The following TENM3 variants were observed in gnomAD, a reference collection of about 807,000 sequenced individuals.
The protein encoded by TENM3 is teneurin-3.
Under a neutral mutation model 255.1 loss-of-function variants are expected in TENM3, and 63 were observed. That is an observed-to-expected ratio of 0.25 (90% CI 0.20 to 0.30). The LOEUF (loss-of-function observed/expected upper bound fraction) is 0.30, where lower values mean the gene tolerates loss of function less well. TENM3 is among the 10% of genes least tolerant of loss of function. The pLI, the probability that TENM3 is intolerant of heterozygous loss-of-function variation, is 1.00. For synonymous variants in TENM3, 1,306 were observed against 1,322.3 expected, an observed-to-expected ratio of 0.99 and a Z score of 0.27; for missense variants, 2,929 against 3,461.1, an observed-to-expected ratio of 0.85 and a Z score of 3.86.
Position 182,621,763 on chromosome 4 carries a change from TA to T in TENM3, c.750-6886del, listed in dbSNP as rs1750262173. 2.9e-4 allele frequency among the ~76,000 whole-genome samples: 21 copies of T among 72,446 alleles called. 2 individuals carry two copies. Among genetic ancestry groups the T allele is most frequent in the African/African-American group, 8.1e-4 (16 of 19,654 alleles). 47.5% of individuals were successfully genotyped at this position (72,446 alleles called of 152,430 possible). A position where few individuals can be genotyped will look rare whatever the true frequency, so the allele number is the denominator to read the frequency against. On this transcript the variant is annotated intron_variant, in intron 4 of 27. Transcript: ENST00000511685. ...ATATATAATATATTATAATATATAA[TA>T]ATTATATATTATATATAATTATATA... is the stretch of plus-strand genomic sequence containing the variant.
chr4:182,701,108 G>A (rs1371994781), intron 12 of TENM3, among the ~76,000 whole-genome samples: 3 of 149,192 alleles, frequency 2.0e-5, no homozygotes, highest in Non-Finnish European at 4.4e-5. Context: ...TTAAACATAA[G>A]CAATCTAATT....
At chr4:182,041,690 A>G in the TENM3 span, among the ~76,000 whole-genome samples, 1 of 151,978 alleles carries the variant, frequency 6.6e-6, no homozygotes, top group Non-Finnish European at 1.5e-5. Context: ...AGACACAGTG[A>G]TTTAGAATTT....
At chr4:182,688,990 A>T (rs1473678215) in intron 12 of TENM3, among the ~76,000 whole-genome samples, 1 of 152,214 alleles carries the variant, frequency 6.6e-6, no homozygotes, top group East Asian at 1.9e-4. Context: ...AGATCAAAAC[A>T]TTAGTATATA....
chr4:182,628,613 A>T (rs1012182710), intron 4 of TENM3, 38 bp from the exon 5 acceptor site: 1 of 1,325,532 alleles, frequency 7.5e-7, no homozygotes, highest in Non-Finnish European at 1.1e-6. Context: ...GTATCGTAAC[A>T]TATTTGTATC....
rs1290124287 is a variant in TENM3 at position 182,763,776 on chromosome 4, GAT to G, written c.4892+8518_4892+8519del. On this transcript the variant is annotated intron_variant, in intron 22 of 27. Transcript: ENST00000511685. ...CCTAGAGAAGTCAAAAAATATTCAG[GAT>G]GACTAAACCTCAAACCTTTAAACCC... 1.9e-3 allele frequency among the ~76,000 whole-genome samples: 295 copies of G among 152,276 alleles called. 3 individuals carry two copies. The highest frequency in any genetic ancestry group is 6.4e-3 in the African/African-American group (268 of 41,560).
intron 16 of TENM3, among the ~76,000 whole-genome samples, chr4:182,734,989 T>C (rs1174542111): frequency 1.3e-5 from 2 of 152,226 alleles, no homozygotes; most frequent in Non-Finnish European, 2.9e-5. Flanking sequence ...TTAAATCACA[T>C]GTTATCAGGG....
At chr4:182,490,122 A>G (rs1735143362) in intron 3 of TENM3, among the ~76,000 whole-genome samples, 1 of 152,212 alleles carries the variant, frequency 6.6e-6, no homozygotes, top group Non-Finnish European at 1.5e-5. Flanking sequence ...ATATTCCTCT[A>G]GAAACTCATG....
chr4:181,707,378 C>T, the TENM3 span, among the ~76,000 whole-genome samples: 42 of 152,148 alleles, frequency 2.8e-4, 1 homozygote, highest in Non-Finnish European at 4.9e-4. Context: ...GTTCCACGTG[C>T]TAATATGGCA....
At chr4:181,912,769 C>CAAAA in the TENM3 span, among the ~76,000 whole-genome samples, 1 of 83,636 alleles carries the variant, frequency 1.2e-5, no homozygotes. Flanking sequence ...AAGACTATCT[C>CAAAA]AAAAAAAAAA....
intron 24 of TENM3, among the ~76,000 whole-genome samples, chr4:182,778,340 G>C (rs920254677): frequency 2.6e-5 from 4 of 152,206 alleles, no homozygotes; most frequent in African/African-American, 9.6e-5. Context: ...GCATAAATAT[G>C]ATAGTGTATT....
At chr4:182,397,324 C>A (rs1768898466) in intron 3 of TENM3, among the ~76,000 whole-genome samples, 1 of 132,552 alleles carries the variant, frequency 7.5e-6, no homozygotes, top group African/African-American at 2.8e-5. Flanking sequence ...TCACTTGAAA[C>A]TGGGAGGTGG....
the TENM3 span, among the ~76,000 whole-genome samples, chr4:182,005,289 G>C: frequency 0.7 from 106,640 of 152,056 alleles, 37,959 homozygotes; most frequent in Middle Eastern, 0.77. Context: ...CTGCATAGGG[G>C]TAGCCAGTTT....
chr4:181,574,516 C>T, the TENM3 span, among the ~76,000 whole-genome samples: 4 of 148,480 alleles, frequency 2.7e-5, no homozygotes, highest in African/African-American at 7.5e-5. Context: ...CCGGCCTGGG[C>T]GACAGAGCGA....
chr4:181,611,755 A>G, the TENM3 span, among the ~76,000 whole-genome samples: 1 of 152,242 alleles, frequency 6.6e-6, no homozygotes, highest in Non-Finnish European at 1.5e-5. Flanking sequence ...GAGATTAAAT[A>G]TTTACTTCAT....
the TENM3 span, among the ~76,000 whole-genome samples, chr4:181,479,926 C>T: frequency 2.8e-4 from 43 of 152,016 alleles, no homozygotes; most frequent in African/African-American, 9.6e-4. Context: ...AGTTCTATGC[C>T]GCTGTATGTT....
intron 5 of TENM3, among the ~76,000 whole-genome samples, chr4:182,640,705 G>A (rs1399444212): frequency 6.6e-6 from 1 of 152,172 alleles, no homozygotes; most frequent in Non-Finnish European, 1.5e-5. Flanking sequence ...GGCTGGCAGT[G>A]TGGGCAAGTC....
chr4:181,706,858 T>A, the TENM3 span, among the ~76,000 whole-genome samples: 2 of 152,196 alleles, frequency 1.3e-5, no homozygotes, highest in Admixed American at 6.5e-5. Context: ...GTTCTGACAT[T>A]TGTTAGCTCA....
the TENM3 span, among the ~76,000 whole-genome samples, chr4:181,879,503 T>C: frequency 1.4e-4 from 21 of 152,304 alleles, 1 homozygote; most frequent in South Asian, 3.9e-3. Flanking sequence ...GAAGGAAAAT[T>C]GCTACCAACT....
the TENM3 span, among the ~76,000 whole-genome samples, chr4:181,678,321 G>A: frequency 6.6e-6 from 1 of 152,058 alleles, no homozygotes; most frequent in African/African-American, 2.4e-5. Flanking sequence ...TCTCTGAGAA[G>A]GTAGCTTTCA....
Sources: allele counts gnomAD v4.1 joint callset (sites outside exome capture counted in the v4.1 genomes callset), GRCh38; gene constraint gnomAD v4.1.1; transcripts MANE v1.5; gene names NCBI Gene and HGNC (gene_info 2026-07-23, HGNC 2026-07-21).